The following ZNF792 variants were observed in gnomAD, a reference collection of about 807,000 sequenced individuals.
The protein encoded by ZNF792 is zinc finger protein 792.
Under a neutral mutation model 13.1 loss-of-function variants are expected in ZNF792, and 14 were observed. The ratio of observed to expected loss-of-function variants is 1.07; its 90% CI spans 0.71 to 1.67. The LOEUF (loss-of-function observed/expected upper bound fraction) is 1.67. Ranked by LOEUF, ZNF792 falls within the 40% of genes most tolerant of loss-of-function variation. The probability of loss-of-function intolerance (pLI) is 0.00; values close to 1 mark genes in which losing one functional copy is unlikely to be tolerated. For missense variants in ZNF792, 740 were observed against 807.9 expected (o/e 0.92, Z 1.02); for synonymous variants, 257 against 292.0 (o/e 0.88, Z 1.22).
At position 34,958,511 on chromosome 19, in the gene ZNF792, C is replaced by A; in HGVS notation, c.1344G>T (p.Arg448=). The A allele has an allele frequency of 6.3e-7, 1 of 1,589,572 alleles. No homozygotes were observed. The highest frequency in any genetic ancestry group is 8.6e-7 in the Non-Finnish European group (1 of 1,167,098). Residue 448 remains arginine, a synonymous_variant, in exon 4 of 4, where the codon CGG becomes CGT. Coordinates refer to ENST00000404801, the MANE Select transcript of ZNF792 (RefSeq NM_175872.5). The part of the protein sequence containing the change: ...IQHQIVHTGE[R]PHGCGECGKA... ...TCCCACACTCACCACACCCGTGAGG[C>A]CGCTCGCCAGTGTGAACTATCTGAT...
intron 2 of ZNF792, 111 bp from the exon 3 acceptor site, chr19:34,960,468 G>A (rs1396343485): frequency 6.6e-6 from 9 of 1,357,300 alleles, no homozygotes; most frequent in South Asian, 1.4e-5. Context: ...GGGTGGTCAC[G>A]GCAAGCAGTA....
intron 2 of ZNF792, 98 bp downstream of exon 2, chr19:34,960,770 G>C: frequency 3.8e-6 from 6 of 1,578,320 alleles, no homozygotes; most frequent in Non-Finnish European, 3.5e-6. Context: ...TGGAAGCAGT[G>C]CCAGCGGTCT....
In ZNF792 at chr19:34,960,820, A is replaced by T. The variant is rs2013516397; in HGVS notation, c.160+48T>A. The T allele has an allele frequency of 2.5e-6, 4 of 1,612,966 alleles. No individual in the cohort carries two copies. The South Asian group carries it at 3.3e-5, about 13-fold the overall frequency. ...AAGAGCTGTTTCTTGGGCAAAGGGG[A>T]CAGGCAGAGAGGAGCTCGGGACACC... On this transcript the variant is annotated intron_variant, in intron 2 of 3. Coordinates refer to ENST00000404801, the MANE Select transcript of ZNF792 (RefSeq NM_175872.5).
intron 1 of ZNF792, 142 bp from the exon 2 acceptor site, chr19:34,961,136 G>T: frequency 8.2e-7 from 1 of 1,217,078 alleles, no homozygotes; most frequent in Non-Finnish European, 1.1e-6. Flanking sequence ...TGTGACCACT[G>T]TGTCAGCCCG....
Position 34,958,820 on chromosome 19 carries a change from T to C in ZNF792, c.1035A>G (p.Lys345=), listed in dbSNP as rs61745594. 7.6e-5 allele frequency: 122 copies of C among 1,612,404 alleles called. 1 individual carries two copies. The African/African-American group carries it at 1.2e-3, about 16-fold the overall frequency. The change falls in exon 4 of 4, where the codon AAA becomes AAG. Residue 345 remains lysine (K), a synonymous_variant. Transcript: ENST00000404801. ...ESPHVCGDCG[K]FFSRSSNLIQ... is the part of the protein sequence containing the mutation. Reference sequence around the variant, plus strand: ...TGAGGTTGGAGCTTCGGCTGAAGAATTTCCCACAGTCACCACACACGTGAG... The same window carrying C: ...TGAGGTTGGAGCTTCGGCTGAAGAACTTCCCACAGTCACCACACACGTGAG...
At chr19:34,960,626 C>A (rs1186096152) in intron 2 of ZNF792, 1 of 690,256 alleles carries the variant, frequency 1.4e-6, no homozygotes, top group East Asian at 2.8e-5. Flanking sequence ...CACAGCTAAC[C>A]GCAAGACCCC....
At position 34,961,120 on chromosome 19, in the gene ZNF792, G is replaced by A. The variant is rs1423911279; in HGVS notation, c.34-126C>T. 8.9e-6 allele frequency: 12 copies of A among 1,353,050 alleles called. No individual in the cohort carries two copies. In the East Asian group the frequency reaches 1.4e-4, roughly 16 times the overall value. The allele number at this position is 1,353,050 out of a possible 1,614,324, so 83.8% of individuals were successfully genotyped here. ...GGTAGCAGGCCCTGGTTCTGTGGGC[G>A]CCTCATGTGACCACTGTGTCAGCCC... is the stretch of plus-strand genomic sequence containing the variant. On this transcript the variant is annotated intron_variant, in intron 1 of 3. Coordinates refer to ENST00000404801, the MANE Select transcript of ZNF792 (RefSeq NM_175872.5).
Position 34,957,544 on chromosome 19 carries a change from T to C in ZNF792, c.*412A>G, listed in dbSNP as rs2013449804. On this transcript the variant is annotated 3_prime_UTR_variant, in exon 4 of 4. Coordinates refer to ENST00000404801, the MANE Select transcript of ZNF792 (RefSeq NM_175872.5). ...ACCAGGGCAATACACAGGAGATAAG[T>C]TGTTGTGTAGAGTAACATGAAGGCT... 1 of 176,346 alleles carries C rather than the reference T, an allele frequency of 5.7e-6. No individual in the cohort carries two copies. Among genetic ancestry groups the C allele is most frequent in the African/African-American group, 2.4e-5 (1 of 42,034 alleles). 10.9% of individuals were successfully genotyped at this position (176,346 alleles called of 1,614,324 possible). A position where few individuals can be genotyped will look rare whatever the true frequency, so the allele number is the denominator to read the frequency against.
Position 34,959,702 on chromosome 19 carries a change from G to A in ZNF792, c.284-131C>T. On this transcript the variant is annotated intron_variant, in intron 3 of 3. Coordinates refer to ENST00000404801, the MANE Select transcript of ZNF792 (RefSeq NM_175872.5). The stretch of plus-strand genomic sequence containing the variant: ...GCAACACAAGAAGGCTCAGGTCAGG[G>A]TAAGGAATAATCTGCTCCGCCATAC... 2.9e-6 allele frequency: 3 copies of A among 1,030,584 alleles called. No individual in the cohort carries two copies. In the South Asian group the frequency reaches 5.9e-5, roughly 20 times the overall value. The allele number at this position is 1,030,584 out of a possible 1,614,324, so 63.8% of individuals were successfully genotyped here.
At chr19:34,961,132 C>T in intron 1 of ZNF792, 138 bp from the exon 2 acceptor site, 1 of 1,268,846 alleles carries the variant, frequency 7.9e-7, no homozygotes, top group Non-Finnish European at 1.1e-6. Context: ...CTCATGTGAC[C>T]ACTGTGTCAG....
chr19:34,960,436 C>T, intron 2 of ZNF792, 79 bp from the exon 3 acceptor site: 1 of 1,535,408 alleles, frequency 6.5e-7, no homozygotes, highest in Non-Finnish European at 8.8e-7. Flanking sequence ...AGACAGGAAG[C>T]TCCGTATGAC....
chr19:34,959,060 G>C lies in ZNF792; in HGVS notation c.795C>G (p.Asn265Lys), dbSNP rs1350760729. The change falls in exon 4 of 4, where the codon AAC becomes AAG. Residue 265 changes from asparagine (N) to lysine (K), a missense_variant. Transcript: ENST00000404801. ...KCCESGDAFN[N>K]KSTLVQHQRI... ...TCTGGTGCTGAACAAGAGTGGATTT[G>C]TTATTGAAGGCATCCCCAGATTCAC... 1.2e-6 allele frequency: 2 copies of C among 1,614,056 alleles called. No homozygotes were observed. Among genetic ancestry groups the C allele is most frequent in the Non-Finnish European group, 8.5e-7 (1 of 1,179,992 alleles).
intron 1 of ZNF792, among the ~76,000 whole-genome samples, 180 bp downstream of exon 1, chr19:34,963,450 T>C (rs1332434961): frequency 6.6e-6 from 1 of 151,986 alleles, no homozygotes; most frequent in African/African-American, 2.4e-5. Context: ...CCACTTTATA[T>C]AAACCCTGCC....
At chr19:34,960,173 G>A in intron 3 of ZNF792, 62 bp downstream of exon 3, 4 of 1,584,080 alleles carry the variant, frequency 2.5e-6, no homozygotes, top group Non-Finnish European at 3.5e-6. Context: ...GAGAGAAGAT[G>A]CTGGTATGAT....
Position 34,956,482 on chromosome 19 carries a change from C to A in ZNF792, c.*1474G>T, listed in dbSNP as rs1204548541. The A allele has an allele frequency of 6.6e-6, 1 of 152,146 alleles. No homozygotes were observed. Among genetic ancestry groups the A allele is most frequent in the Non-Finnish European group, 1.5e-5 (1 of 68,024 alleles). 9.4% of individuals were successfully genotyped at this position (152,146 alleles called of 1,614,324 possible). A position where few individuals can be genotyped will look rare whatever the true frequency, so the allele number is the denominator to read the frequency against. On this transcript the variant is annotated 3_prime_UTR_variant, in exon 4 of 4. Transcript: ENST00000404801. ...GGGAATGTAAAGGGGCATGAGGTAG[C>A]TTTGCAGGTGATGGATACGTTCATT...
rs2151683774 is a variant in ZNF792 at position 34,963,988 on chromosome 19, G to T, written c.-326C>A. 1 of 329,640 alleles carries T rather than the reference G, an allele frequency of 3.0e-6. No individual in the cohort carries two copies. The highest frequency in any genetic ancestry group is 2.1e-5 in the African/African-American group (1 of 46,552). The allele number at this position is 329,640 out of a possible 1,614,324, so 20.4% of individuals were successfully genotyped here. A position where few individuals can be genotyped will look rare whatever the true frequency, so the allele number is the denominator to read the frequency against. On this transcript the variant is annotated 5_prime_UTR_variant, in exon 1 of 4. Coordinates refer to ENST00000404801, the MANE Select transcript of ZNF792 (RefSeq NM_175872.5). Reference sequence around the variant, plus strand: ...AAGCCGGCGGGGCAGCTTCACGGGCGTAGCCCCAGCCGCCCCGCCCCCAAC... The same window carrying T: ...AAGCCGGCGGGGCAGCTTCACGGGCTTAGCCCCAGCCGCCCCGCCCCCAAC...
rs757412337 is a variant in ZNF792 at position 34,956,663 on chromosome 19, G to A, written c.*1293C>T. The A allele has an allele frequency of 3.9e-5, 6 of 152,242 alleles. 1 individual carries two copies. The highest frequency in any genetic ancestry group is 2.6e-4 in the Admixed American group (4 of 15,300). 9.4% of individuals were successfully genotyped at this position (152,242 alleles called of 1,614,324 possible). On this transcript the variant is annotated 3_prime_UTR_variant, in exon 4 of 4. Transcript: ENST00000404801. Reference sequence around the variant, plus strand: ...ACTTCCTACTCATTTTAGAAAATCCGATTTGGCAACCCTATATTGACTCTG... The same window carrying A: ...ACTTCCTACTCATTTTAGAAAATCCAATTTGGCAACCCTATATTGACTCTG...
Position 34,963,901 on chromosome 19 carries a change from T to A in ZNF792, c.-239A>T. The A allele has an allele frequency of 1.9e-6, 1 of 520,368 alleles. No individual in the cohort carries two copies. The highest frequency in any genetic ancestry group is 3.3e-6 in the Non-Finnish European group (1 of 298,986). 32.2% of individuals were successfully genotyped at this position (520,368 alleles called of 1,614,324 possible). ...CGCTGGGTACCCCCGTTGCAAGGGG[T>A]CACGGCTGGTGCAAAGGCGCGGAGG... is the stretch of plus-strand genomic sequence containing the variant. On this transcript the variant is annotated 5_prime_UTR_variant, in exon 1 of 4. Transcript: ENST00000404801.
chr19:34,964,108 G>A lies in ZNF792; in HGVS notation c.-446C>T, dbSNP rs932897467. ...AGTTCCGGCCCCCACCGTGGCGGCCGGGAGAGTTGCCCTCTCCCGTACTGT... is the reference window on the plus strand; with the variant it reads ...AGTTCCGGCCCCCACCGTGGCGGCCAGGAGAGTTGCCCTCTCCCGTACTGT... On this transcript the variant is annotated 5_prime_UTR_variant, in exon 1 of 4. Coordinates refer to ENST00000404801, the MANE Select transcript of ZNF792 (RefSeq NM_175872.5). The A allele has an allele frequency of 2.4e-5, 4 of 164,118 alleles. No individual in the cohort carries two copies. Among genetic ancestry groups the A allele is most frequent in the African/African-American group, 9.6e-5 (4 of 41,832 alleles). 10.2% of individuals were successfully genotyped at this position (164,118 alleles called of 1,614,324 possible).
Sources: gnomAD v4.1 joint callset for allele counts (sites outside exome capture counted in the v4.1 genomes callset) on GRCh38, gnomAD v4.1.1 for gene constraint, MANE v1.5 for transcripts, NCBI Gene and HGNC (gene_info 2026-07-23, HGNC 2026-07-21) for gene names.